Variants in RBMS3 observed in about 807,000 individuals in gnomAD.
RBMS3 encodes the protein RNA-binding motif, single-stranded-interacting protein 3.
Under a neutral mutation model 66.8 loss-of-function variants are expected in RBMS3, and 27 were observed. The ratio of observed to expected loss-of-function variants is 0.40; its 90% CI spans 0.30 to 0.56. The LOEUF (loss-of-function observed/expected upper bound fraction) is 0.56, where lower values mean the gene tolerates loss of function less well. RBMS3 is among the 20% of genes least tolerant of loss of function. The probability of loss-of-function intolerance (pLI) is 0.40; values close to 1 mark genes in which losing one functional copy is unlikely to be tolerated. For synonymous variants in RBMS3, 188 were observed against 183.0 expected, an observed-to-expected ratio of 1.03 and a Z score of -0.22; for missense variants, 513 against 549.5, an observed-to-expected ratio of 0.93 and a Z score of 0.66.
At chr3:29,467,218 G>C (rs73828669) in intron 2 of RBMS3, among the ~76,000 whole-genome samples, 3,369 of 152,222 alleles carry the variant, frequency 0.022, 124 homozygotes, top group African/African-American at 0.078. Flanking sequence ...ATGTGAACCT[G>C]TTGCTGTACA....
At chr3:29,919,534 T>C (rs2060716767) in intron 10 of RBMS3, among the ~76,000 whole-genome samples, 1 of 152,242 alleles carries the variant, frequency 6.6e-6, no homozygotes, top group Non-Finnish European at 1.5e-5. Context: ...CATTTGCTAA[T>C]CCCAGTTTCA....
At chr3:29,868,430 C>G (rs895783845) in intron 6 of RBMS3, among the ~76,000 whole-genome samples, 1 of 152,108 alleles carries the variant, frequency 6.6e-6, no homozygotes, top group Non-Finnish European at 1.5e-5. Flanking sequence ...AAATGTCTCT[C>G]TTTTGAGAAA....
At chr3:29,955,478 T>TA (rs1267872946) in intron 12 of RBMS3, among the ~76,000 whole-genome samples, 1 of 151,994 alleles carries the variant, frequency 6.6e-6, no homozygotes, top group African/African-American at 2.4e-5. Flanking sequence ...ATTTGGATCT[T>TA]ATGCAGTATA....
At chr3:29,987,777 C>T (rs886105136) in intron 12 of RBMS3, among the ~76,000 whole-genome samples, 1 of 151,982 alleles carries the variant, frequency 6.6e-6, no homozygotes, top group Non-Finnish European at 1.5e-5. Context: ...GTGATAGGTG[C>T]TAGCAATAAA....
chr3:30,007,751 T>C lies in RBMS3; in HGVS notation c.*3889T>C, dbSNP rs1253222667. The C allele has an allele frequency of 6.6e-6, 1 of 152,074 alleles. No individual in the cohort carries two copies. Among genetic ancestry groups the C allele is most frequent in the Admixed American group, 6.6e-5 (1 of 15,244 alleles). 9.4% of individuals were successfully genotyped at this position (152,074 alleles called of 1,614,324 possible). On this transcript the variant is annotated 3_prime_UTR_variant, in exon 15 of 15. Transcript: ENST00000383767. ...TTTAAAACAGTCCTCTACCTGACTCTAGTTTTGCGAGGATTAGTTTGTTTC... is the reference window on the plus strand; with the variant it reads ...TTTAAAACAGTCCTCTACCTGACTCCAGTTTTGCGAGGATTAGTTTGTTTC...
intron 1 of RBMS3, among the ~76,000 whole-genome samples, chr3:29,411,159 T>C (rs2040251260): frequency 6.6e-6 from 1 of 152,188 alleles, no homozygotes; most frequent in Admixed American, 6.5e-5. Context: ...TATCCATTCA[T>C]CATAAACAGG....
At chr3:29,770,931 G>C (rs529863516) in intron 6 of RBMS3, among the ~76,000 whole-genome samples, 14 of 152,008 alleles carry the variant, frequency 9.2e-5, no homozygotes, top group Non-Finnish European at 1.9e-4. Context: ...TGAATGGATA[G>C]TATTCTGAAT....
intron 4 of RBMS3, among the ~76,000 whole-genome samples, chr3:29,667,334 C>G (rs1351006870): frequency 6.6e-6 from 1 of 152,108 alleles, no homozygotes; most frequent in Non-Finnish European, 1.5e-5. Context: ...CTAATCTATC[C>G]CAGTGGTATA....
At chr3:29,375,003 A>G (rs1286259172) in intron 1 of RBMS3, among the ~76,000 whole-genome samples, 1 of 152,236 alleles carries the variant, frequency 6.6e-6, no homozygotes, top group Non-Finnish European at 1.5e-5. Context: ...TACTAGTACA[A>G]GAACAGAAAC....
chr3:29,666,215 T>G (rs769315252), intron 4 of RBMS3, among the ~76,000 whole-genome samples: 1 of 152,240 alleles, frequency 6.6e-6, no homozygotes, highest in Non-Finnish European at 1.5e-5. Flanking sequence ...AAAATATGTC[T>G]CTGCTACTTC....
At chr3:29,993,282 C>T (rs1699000012) in intron 14 of RBMS3, among the ~76,000 whole-genome samples, 1 of 152,112 alleles carries the variant, frequency 6.6e-6, no homozygotes, top group Non-Finnish European at 1.5e-5. Context: ...GACTCTGAAA[C>T]TCCAGTCCAA....
chr3:29,374,808 G>A (rs919441440), intron 1 of RBMS3, among the ~76,000 whole-genome samples: 11 of 152,210 alleles, frequency 7.2e-5, no homozygotes, highest in South Asian at 2.1e-4. Context: ...AACTCATCAC[G>A]TCATAATAAC....
chr3:29,656,086 A>C (rs898534343), intron 4 of RBMS3, among the ~76,000 whole-genome samples: 1 of 152,172 alleles, frequency 6.6e-6, no homozygotes, highest in Non-Finnish European at 1.5e-5. Flanking sequence ...TTTTTTAATT[A>C]AAAAATTTAT....
intron 4 of RBMS3, among the ~76,000 whole-genome samples, chr3:29,657,349 C>A (rs1559542907): frequency 6.6e-6 from 1 of 152,210 alleles, no homozygotes; most frequent in African/African-American, 2.4e-5. Context: ...TTAAATATAT[C>A]TCACACTATT....
chr3:29,676,133 G>T (rs1370299152), intron 4 of RBMS3, among the ~76,000 whole-genome samples: 1 of 152,174 alleles, frequency 6.6e-6, no homozygotes, highest in Non-Finnish European at 1.5e-5. Context: ...TAGGGACATG[G>T]ATGAAGCTGG....
At chr3:29,816,941 A>G (rs78627867) in intron 6 of RBMS3, among the ~76,000 whole-genome samples, 1 of 152,002 alleles carries the variant, frequency 6.6e-6, no homozygotes, top group Non-Finnish European at 1.5e-5. Flanking sequence ...GATACAAAAA[A>G]TTAGCCGGGC....
In RBMS3 at chr3:29,749,834, C is replaced by T. The variant is rs140966300; in HGVS notation, c.557+9957C>T. On this transcript the variant is annotated intron_variant, in intron 5 of 14. Transcript: ENST00000383767. ...TCCAATAAAAGCTTTGGAAAAATTA[C>T]CAGTGTTCAATGTGTCCTGATACCA... Among the ~76,000 whole-genome samples the T allele has an allele frequency of 1.8e-4, 28 of 152,184 alleles. 1 individual carries two copies. The East Asian group carries it at 5.2e-3, about 28-fold the overall frequency.
chr3:29,569,351 G>A (rs1404480387), intron 3 of RBMS3, among the ~76,000 whole-genome samples: 4 of 151,870 alleles, frequency 2.6e-5, no homozygotes, highest in African/African-American at 4.8e-5. Context: ...AAAGGGACAC[G>A]AAAGAGCTGA....
At chr3:29,914,312 T>C (rs955950427) in intron 10 of RBMS3, among the ~76,000 whole-genome samples, 1 of 151,830 alleles carries the variant, frequency 6.6e-6, no homozygotes, top group Admixed American at 6.6e-5. Context: ...GGATATATAG[T>C]TCCTTTTGGG....
Sources: gnomAD v4.1 joint callset for allele counts (sites outside exome capture counted in the v4.1 genomes callset) on GRCh38, gnomAD v4.1.1 for gene constraint, MANE v1.5 for transcripts, NCBI Gene and HGNC (gene_info 2026-07-23, HGNC 2026-07-21) for gene names.